MDGA2: variants seen among roughly 807,000 people sequenced by gnomAD.
MDGA2 encodes the protein MAM domain-containing glycosylphosphatidylinositol anchor protein 2.
MDGA2 carries 40 observed loss-of-function variants against 117.8 expected under a neutral mutation model. The ratio of observed to expected loss-of-function variants is 0.34; its 90% CI spans 0.26 to 0.44. The LOEUF is 0.44. Among genes scored for constraint, MDGA2 ranks in the 20% least tolerant of loss-of-function variants. MDGA2 has a pLI of 1.00. For missense variants in MDGA2, 1,123 were observed against 1,250.6 expected, an observed-to-expected ratio of 0.90 and a Z score of 1.54; for synonymous variants, 452 against 439.0, an observed-to-expected ratio of 1.03 and a Z score of -0.37.
intron 8 of MDGA2, chr14:46,996,502 T>C (rs1379916373): frequency 6.6e-6 from 1 of 152,132 alleles, no homozygotes; most frequent in African/African-American, 2.4e-5. Context: ...AGAAAAAAAA[T>C]CAAGAGCCCA....
At chr14:47,286,039 T>G (rs1888659492) in intron 2 of MDGA2, among the ~76,000 whole-genome samples, 1 of 151,934 alleles carries the variant, frequency 6.6e-6, no homozygotes, top group Admixed American at 6.6e-5. Context: ...TCTGTGTGTG[T>G]GTGTGTGTTT....
intron 14 of MDGA2, among the ~76,000 whole-genome samples, chr14:46,872,858 G>T (rs999907505): frequency 6.6e-6 from 1 of 152,006 alleles, no homozygotes; most frequent in African/African-American, 2.4e-5. Flanking sequence ...ATCTAGCACA[G>T]TTGTGCATCT....
rs139819155 is a variant in MDGA2, at chr14:47,072,576, G to T, written c.1196-10998C>A. ...ATAGTTTAAAGTATTGGTTCTCCAA[G>T]TATGAACCCTAGTCCAATATCAGCA... On this transcript the variant is annotated intron_variant, in intron 6 of 16. Coordinates refer to ENST00000399232, the MANE Select transcript of MDGA2 (RefSeq NM_001113498.3). 4.1e-3 allele frequency among the ~76,000 whole-genome samples: 631 copies of T among 152,264 alleles called. 5 individuals are homozygous for T. Among genetic ancestry groups the T allele is most frequent in the African/African-American group, 0.014 (590 of 41,550 alleles).
At chr14:46,878,082 G>A (rs1472896661) in intron 11 of MDGA2, among the ~76,000 whole-genome samples, 3 of 151,828 alleles carry the variant, frequency 2.0e-5, no homozygotes, top group Non-Finnish European at 2.9e-5. Context: ...ACATATACAC[G>A]TGTGCATGCA....
chr14:47,603,401 T>C (rs1032443616), intron 1 of MDGA2, among the ~76,000 whole-genome samples: 1 of 152,184 alleles, frequency 6.6e-6, no homozygotes, highest in Non-Finnish European at 1.5e-5. Context: ...TTGTATACCA[T>C]AGACATAAAA....
rs75996284 is a variant in MDGA2, at chr14:47,640,751, G to A, written c.280+33766C>T. On this transcript the variant is annotated intron_variant, in intron 1 of 16. Coordinates refer to ENST00000399232, the MANE Select transcript of MDGA2 (RefSeq NM_001113498.3). ...ATCCCTCTGCACAAAATATCCTCAC[G>A]TCCCTCAATATTTCTGATGCTTTTA... Among the ~76,000 whole-genome samples, 108 of 152,006 alleles carry A rather than the reference G, an allele frequency of 7.1e-4. 1 individual carries two copies. The East Asian group carries it at 0.02, about 28-fold the overall frequency.
chr14:46,960,731 TTTA>T (rs757398220), intron 8 of MDGA2, among the ~76,000 whole-genome samples: 46 of 150,832 alleles, frequency 3.0e-4, no homozygotes, highest in Non-Finnish European at 5.0e-4. Flanking sequence ...TAATTTTCAT[TTTA>T]TATGTATATG....
intron 1 of MDGA2, among the ~76,000 whole-genome samples, chr14:47,501,252 A>C (rs2138672976): frequency 6.6e-6 from 1 of 152,296 alleles, no homozygotes; most frequent in East Asian, 1.9e-4. Context: ...CTATGGGACA[A>C]GTAAATCAGT....
intron 1 of MDGA2, among the ~76,000 whole-genome samples, chr14:47,474,315 C>A (rs1435718460): frequency 6.6e-6 from 1 of 152,114 alleles, no homozygotes; most frequent in Non-Finnish European, 1.5e-5. Context: ...CAAACCACTT[C>A]TCAAGGAAAT....
chr14:47,253,101 C>T (rs1170627984), intron 2 of MDGA2, among the ~76,000 whole-genome samples: 2 of 152,258 alleles, frequency 1.3e-5, no homozygotes, highest in East Asian at 3.9e-4. Flanking sequence ...GAGTCCCTCC[C>T]ATGACATGTG....
At chr14:47,214,016 G>T (rs1052554548) in intron 3 of MDGA2, among the ~76,000 whole-genome samples, 3 of 152,092 alleles carry the variant, frequency 2.0e-5, no homozygotes, top group African/African-American at 7.2e-5. Flanking sequence ...GAGCGAAGAG[G>T]GGGGTAAAGA....
intron 1 of MDGA2, among the ~76,000 whole-genome samples, chr14:47,474,156 G>C (rs1034913777): frequency 3.3e-5 from 5 of 152,068 alleles, no homozygotes; most frequent in Admixed American, 6.6e-5. Flanking sequence ...AAGACAATGT[G>C]CAAAAATCAC....
chr14:47,018,154 T>G (rs111723473), intron 8 of MDGA2, among the ~76,000 whole-genome samples: 1 of 141,516 alleles, frequency 7.1e-6, no homozygotes, highest in Non-Finnish European at 1.6e-5. Flanking sequence ...ACTTTTTTTT[T>G]CCCCCCGTTC....
At chr14:47,359,252 AC>A (rs1891060165) in intron 1 of MDGA2, among the ~76,000 whole-genome samples, 1 of 151,906 alleles carries the variant, frequency 6.6e-6, no homozygotes, top group African/African-American at 2.4e-5. Flanking sequence ...TACTCAGGAG[AC>A]TGAGGCAGGA....
intron 14 of MDGA2, among the ~76,000 whole-genome samples, chr14:46,860,586 C>T (rs1258757585): frequency 6.6e-6 from 1 of 151,772 alleles, no homozygotes; most frequent in Non-Finnish European, 1.5e-5. Flanking sequence ...TATCATTTTT[C>T]CTCTTCAGGG....
chr14:47,317,951 GTC>G (rs1282419511), intron 1 of MDGA2, among the ~76,000 whole-genome samples: 1 of 152,044 alleles, frequency 6.6e-6, no homozygotes, highest in Non-Finnish European at 1.5e-5. Flanking sequence ...CAAAAAAGGT[GTC>G]TTTTTTCAGC....
chr14:47,238,044 T>C (rs1263319873), intron 2 of MDGA2, among the ~76,000 whole-genome samples: 1 of 152,138 alleles, frequency 6.6e-6, no homozygotes, highest in East Asian at 1.9e-4. Flanking sequence ...AAGGCAAACC[T>C]ACCTTCCTGA....
chr14:46,940,894 G>A (rs921287866), intron 9 of MDGA2, among the ~76,000 whole-genome samples: 10 of 152,172 alleles, frequency 6.6e-5, no homozygotes, highest in African/African-American at 2.4e-4. Flanking sequence ...AGGTGTTCAA[G>A]TGAGTTGGAG....
At chr14:47,402,721 T>A (rs1156667361) in intron 1 of MDGA2, among the ~76,000 whole-genome samples, 1 of 152,200 alleles carries the variant, frequency 6.6e-6, no homozygotes, top group East Asian at 1.9e-4. Context: ...GTATGTTTCA[T>A]CTTTGTCCTA....
Sources: allele counts gnomAD v4.1 joint callset (sites outside exome capture counted in the v4.1 genomes callset), GRCh38; gene constraint gnomAD v4.1.1; transcripts MANE v1.5; gene names NCBI Gene and HGNC (gene_info 2026-07-23, HGNC 2026-07-21).